Variants in PLCB1 observed in about 807,000 individuals in gnomAD.
The protein encoded by PLCB1 is 1-phosphatidylinositol 4,5-bisphosphate phosphodiesterase beta-1.
PLCB1 carries 46 observed loss-of-function variants against 161.8 expected under a neutral mutation model. That is an observed-to-expected ratio of 0.28 (90% CI 0.22 to 0.36). The LOEUF (loss-of-function observed/expected upper bound fraction) is 0.36, where lower values mean the gene tolerates loss of function less well. Among genes scored for constraint, PLCB1 ranks in the 10% least tolerant of loss-of-function variants. PLCB1 has a pLI of 1.00. For synonymous variants in PLCB1, 517 were observed against 503.7 expected (o/e 1.03, Z -0.35); for missense variants, 1,016 against 1,472.5 (o/e 0.69, Z 5.07).
At chr20:8,184,891 A>G (rs1231049460) in intron 2 of PLCB1, among the ~76,000 whole-genome samples, 1 of 151,612 alleles carries the variant, frequency 6.6e-6, no homozygotes, top group Non-Finnish European at 1.5e-5. Flanking sequence ...TGCTGCACCC[A>G]TCAACCCGTC....
chr20:8,337,695 G>T (rs977022950), intron 2 of PLCB1, among the ~76,000 whole-genome samples: 2 of 152,186 alleles, frequency 1.3e-5, no homozygotes, highest in Admixed American at 1.3e-4. Context: ...GGATTTCAAT[G>T]TTGGTTTGAA....
chr20:8,333,758 G>A (rs913686087), intron 2 of PLCB1, among the ~76,000 whole-genome samples: 12 of 152,202 alleles, frequency 7.9e-5, no homozygotes, highest in African/African-American at 2.7e-4. Context: ...CTTGTGACAT[G>A]TAGTTCAATT....
At chr20:8,536,315 A>T (rs1449959131) in intron 3 of PLCB1, among the ~76,000 whole-genome samples, 1 of 152,164 alleles carries the variant, frequency 6.6e-6, no homozygotes, top group East Asian at 1.9e-4. Flanking sequence ...TAGGCGCCGG[A>T]TGAGTTTGTT....
At position 8,717,782 on chromosome 20, in the gene PLCB1, T is replaced by G. The variant is rs1979404857; in HGVS notation, c.1447T>G (p.Ser483Ala). 4 of 1,614,058 alleles carry G rather than the reference T, an allele frequency of 2.5e-6. No homozygotes were observed. Among genetic ancestry groups the G allele is most frequent in the Non-Finnish European group, 3.4e-6 (4 of 1,179,964 alleles). Residue 483 changes from serine (S) to alanine (A), a missense_variant, in exon 14 of 32, where the codon TCA (serine) becomes GCA (alanine). Around this residue, in one of 10 missense-constraint regions of PLCB1, gnomAD observed 109 missense variants for 129.7 expected, o/e 0.84. Coordinates refer to ENST00000338037, the MANE Select transcript of PLCB1 (RefSeq NM_015192.4). ...AGAAGGAAGCGGCAAAAAGAAGCTCTCAGAACAAGCCTCCAACACCTACAG... is the reference window on the plus strand; with the variant it reads ...AGAAGGAAGCGGCAAAAAGAAGCTCGCAGAACAAGCCTCCAACACCTACAG... ...SSEGSGKKKL[S>A]EQASNTYSDS...
chr20:8,713,177 G>C (rs539240468), intron 12 of PLCB1, among the ~76,000 whole-genome samples: 11 of 152,124 alleles, frequency 7.2e-5, no homozygotes, highest in African/African-American at 2.4e-4. Flanking sequence ...TCTGAGGCAG[G>C]TTTTGTTTTT....
intron 2 of PLCB1, among the ~76,000 whole-genome samples, chr20:8,311,962 C>T (rs1192868176): frequency 6.6e-6 from 1 of 152,186 alleles, no homozygotes; most frequent in Non-Finnish European, 1.5e-5. Flanking sequence ...TGTGAATGTT[C>T]TTCTCTTTTG....
At chr20:8,780,987 T>G (rs556366093) in intron 27 of PLCB1, among the ~76,000 whole-genome samples, 1 of 152,218 alleles carries the variant, frequency 6.6e-6, no homozygotes. Context: ...TATAAACAAG[T>G]ATTACAGTTT....
chr20:8,357,156 T>C (rs1218222014), intron 2 of PLCB1, among the ~76,000 whole-genome samples: 2 of 152,196 alleles, frequency 1.3e-5, no homozygotes, highest in Non-Finnish European at 2.9e-5. Context: ...CCCTGGTCAA[T>C]ATTTAAGCTT....
chr20:8,847,338 A>G (rs1460471171), intron 31 of PLCB1, among the ~76,000 whole-genome samples: 1 of 152,172 alleles, frequency 6.6e-6, no homozygotes, highest in East Asian at 1.9e-4. Flanking sequence ...TCTTCTGTAT[A>G]TAGAATTAGA....
intron 2 of PLCB1, among the ~76,000 whole-genome samples, chr20:8,246,908 C>T (rs970920056): frequency 6.6e-6 from 1 of 151,762 alleles, no homozygotes; most frequent in Non-Finnish European, 1.5e-5. Flanking sequence ...CTCTTGAAGT[C>T]CTTATGTCTG....
At chr20:8,498,554 G>T (rs1000572204) in intron 3 of PLCB1, among the ~76,000 whole-genome samples, 2 of 152,138 alleles carry the variant, frequency 1.3e-5, no homozygotes, top group African/African-American at 2.4e-5. Context: ...GTCCCCTTGG[G>T]GATCACAATC....
At chr20:8,226,864 T>C (rs749819213) in intron 2 of PLCB1, among the ~76,000 whole-genome samples, 6 of 152,084 alleles carry the variant, frequency 3.9e-5, no homozygotes, top group South Asian at 2.1e-4. Context: ...ATTTTTTGTA[T>C]TTTTAGTAGA....
chr20:8,737,934 G>A (rs916940269), intron 20 of PLCB1, among the ~76,000 whole-genome samples: 6 of 152,202 alleles, frequency 3.9e-5, no homozygotes, highest in African/African-American at 1.4e-4. Context: ...TATTCCATAA[G>A]TAAATACATT....
intron 26 of PLCB1, among the ~76,000 whole-genome samples, chr20:8,773,734 G>A (rs1192383753): frequency 6.6e-6 from 1 of 152,190 alleles, no homozygotes; most frequent in Non-Finnish European, 1.5e-5. Context: ...AGCACTCTGG[G>A]AGGCTGAGAT....
chr20:8,493,249 C>T (rs1206967157), intron 3 of PLCB1, among the ~76,000 whole-genome samples: 2 of 152,120 alleles, frequency 1.3e-5, no homozygotes, highest in African/African-American at 4.8e-5. Flanking sequence ...TCATCAAGGG[C>T]ACCCCTTTTT....
At chr20:8,673,892 C>T (rs1410913967) in intron 9 of PLCB1, among the ~76,000 whole-genome samples, 1 of 152,144 alleles carries the variant, frequency 6.6e-6, no homozygotes, top group Non-Finnish European at 1.5e-5. Flanking sequence ...GCTGGACTTC[C>T]CACTGAGTGC....
At position 8,523,496 on chromosome 20, in the gene PLCB1, C is replaced by CA. The variant is rs1555766848; in HGVS notation, c.247-104798_247-104797insA. Among the ~76,000 whole-genome samples the CA allele has an allele frequency of 4.4e-3, 226 of 51,644 alleles. 50 individuals are homozygous for CA. The highest frequency in any genetic ancestry group is 6.6e-3 in the African/African-American group (80 of 12,122). The allele number at this position is 51,644 out of a possible 152,430, so 33.9% of individuals were successfully genotyped here. On this transcript the variant is annotated intron_variant, in intron 3 of 31. Coordinates refer to ENST00000338037, the MANE Select transcript of PLCB1 (RefSeq NM_015192.4). ...TCTCTCTCTCTCTCTCTCTCTCTCT[C>CA]TATATATATATATATATATATATAT...
intron 31 of PLCB1, among the ~76,000 whole-genome samples, chr20:8,878,637 A>G (rs1263025895): frequency 1.3e-5 from 2 of 152,124 alleles, no homozygotes; most frequent in Non-Finnish European, 2.9e-5. Flanking sequence ...AATACCCCAC[A>G]TTTTATATGT....
At chr20:8,874,198 T>A (rs1022112330) in intron 31 of PLCB1, among the ~76,000 whole-genome samples, 3 of 147,108 alleles carry the variant, frequency 2.0e-5, no homozygotes, top group African/African-American at 2.5e-5. Flanking sequence ...TTTTAAATTG[T>A]CAATTTTATT....
Sources: allele counts gnomAD v4.1 joint callset (sites outside exome capture counted in the v4.1 genomes callset), GRCh38; gene constraint gnomAD v4.1.1; regional missense constraint gnomAD v4.1.1; transcripts MANE v1.5; gene names NCBI Gene and HGNC (gene_info 2026-07-23, HGNC 2026-07-21).